Variants in GSG1L observed in about 807,000 individuals in gnomAD.
GSG1L encodes germ cell-specific gene 1-like protein.
A neutral mutation model predicts 42.1 loss-of-function variants in GSG1L; 24 were observed. The observed-to-expected ratio is 0.57, with a 90% CI of 0.41 to 0.80. GSG1L has a LOEUF of 0.80. Among genes scored for constraint, GSG1L ranks in the 30% least tolerant of loss-of-function variants. GSG1L has a pLI of 0.00. For missense variants in GSG1L, 445 were observed against 472.2 expected (o/e 0.94, Z 0.53); for synonymous variants, 215 against 203.5 (o/e 1.06, Z -0.48).
chr16:27,963,858 C>T (rs1159619229), intron 1 of GSG1L, among the ~76,000 whole-genome samples: 2 of 152,112 alleles, frequency 1.3e-5, no homozygotes, highest in Admixed American at 6.6e-5. Flanking sequence ...CATCCTGAGT[C>T]TGCCTTTGCA....
intron 2 of GSG1L, among the ~76,000 whole-genome samples, chr16:27,903,790 C>A (rs954742282): frequency 6.6e-6 from 1 of 152,000 alleles, no homozygotes; most frequent in Non-Finnish European, 1.5e-5. Context: ...CAGGAAGTCC[C>A]CCAGTCAAGA....
intron 2 of GSG1L, among the ~76,000 whole-genome samples, chr16:27,947,523 A>G (rs990191376): frequency 7.4e-6 from 1 of 134,722 alleles, no homozygotes; most frequent in Non-Finnish European, 1.6e-5. Context: ...AAGAAAGAAA[A>G]AGAAAGAAAG....
At chr16:27,962,137 C>G (rs866618918) in intron 2 of GSG1L, among the ~76,000 whole-genome samples, 3 of 152,198 alleles carry the variant, frequency 2.0e-5, no homozygotes, top group Non-Finnish European at 4.4e-5. Context: ...CAGCCACACT[C>G]CCCCGTGTCC....
chr16:27,995,883 A>AAC (rs3033625), intron 1 of GSG1L, among the ~76,000 whole-genome samples: 15,328 of 145,216 alleles, frequency 0.11, 825 homozygotes, highest in African/African-American at 0.14. Context: ...TACTGATTAA[A>AAC]ACACACACAC....
chr16:27,946,323 T>C (rs1420398864), intron 2 of GSG1L, among the ~76,000 whole-genome samples: 2 of 151,818 alleles, frequency 1.3e-5, no homozygotes, highest in Non-Finnish European at 2.9e-5. Flanking sequence ...GGTGGGCAGA[T>C]CACTTGAGGT....
intron 1 of GSG1L, among the ~76,000 whole-genome samples, chr16:27,999,902 C>T (rs576952652): frequency 6.6e-6 from 1 of 152,304 alleles, no homozygotes; most frequent in Admixed American, 6.5e-5. Flanking sequence ...ACTCATATCC[C>T]ATTGGCCAGA....
intron 1 of GSG1L, among the ~76,000 whole-genome samples, chr16:27,985,311 A>G (rs1379493774): frequency 6.6e-6 from 1 of 152,104 alleles, no homozygotes; most frequent in Admixed American, 6.6e-5. Context: ...TGCCGTCCTC[A>G]TGGTAATGAG....
At chr16:27,959,635 G>A (rs927740344) in intron 2 of GSG1L, among the ~76,000 whole-genome samples, 2 of 151,760 alleles carry the variant, frequency 1.3e-5, no homozygotes, top group African/African-American at 2.4e-5. Context: ...TGGGCACCAA[G>A]CGTGGGGCAT....
chr16:27,852,549 G>A (rs188816507), intron 3 of GSG1L, among the ~76,000 whole-genome samples: 81 of 152,080 alleles, frequency 5.3e-4, no homozygotes, highest in African/African-American at 1.9e-3. Flanking sequence ...GAGGAGGAGG[G>A]TGGAGCAGGC....
chr16:28,033,301 C>T (rs1001088960), intron 1 of GSG1L, among the ~76,000 whole-genome samples: 7 of 152,198 alleles, frequency 4.6e-5, no homozygotes, highest in African/African-American at 1.7e-4. Flanking sequence ...CATCTACAAC[C>T]GCCAGAGTAG....
At chr16:27,853,527 TG>T (rs1157875766) in intron 3 of GSG1L, among the ~76,000 whole-genome samples, 1 of 152,158 alleles carries the variant, frequency 6.6e-6, no homozygotes, top group African/African-American at 2.4e-5. Context: ...AGGAGCATTT[TG>T]GGGGGTCAGC....
intron 1 of GSG1L, among the ~76,000 whole-genome samples, chr16:28,004,284 C>G (rs1372951026): frequency 6.6e-6 from 1 of 152,104 alleles, no homozygotes; most frequent in Non-Finnish European, 1.5e-5. Flanking sequence ...GGCATCTGGG[C>G]CTTGGTCTAT....
intron 3 of GSG1L, among the ~76,000 whole-genome samples, chr16:27,867,476 G>A (rs553574290): frequency 6.6e-6 from 1 of 152,356 alleles, no homozygotes; most frequent in African/African-American, 2.4e-5. Context: ...GGGCAGATCA[G>A]TGAGCGCTGC....
At chr16:27,933,675 T>A (rs796635708) in intron 2 of GSG1L, among the ~76,000 whole-genome samples, 1 of 143,792 alleles carries the variant, frequency 7.0e-6, no homozygotes, top group African/African-American at 2.5e-5. Flanking sequence ...AAAAAGTGTG[T>A]TGAGCCAATG....
chr16:28,042,653 G>A (rs1192191223), intron 1 of GSG1L, among the ~76,000 whole-genome samples: 1 of 151,946 alleles, frequency 6.6e-6, no homozygotes, highest in Non-Finnish European at 1.5e-5. Context: ...AAAGAAAGGG[G>A]GAAATCATTG....
At chr16:27,843,667 A>C (rs2083412725) in intron 4 of GSG1L, among the ~76,000 whole-genome samples, 1 of 152,162 alleles carries the variant, frequency 6.6e-6, no homozygotes, top group African/African-American at 2.4e-5. Context: ...GTTCCAGATG[A>C]AATCTGGTCA....
chr16:28,047,797 T>G (rs2086179301), intron 1 of GSG1L, among the ~76,000 whole-genome samples: 1 of 152,054 alleles, frequency 6.6e-6, no homozygotes, highest in Admixed American at 6.6e-5. Flanking sequence ...CAACATAGAC[T>G]CAAACTTTTT....
At chr16:27,987,638 T>A (rs2085399884) in intron 1 of GSG1L, among the ~76,000 whole-genome samples, 1 of 152,112 alleles carries the variant, frequency 6.6e-6, no homozygotes, top group Non-Finnish European at 1.5e-5. Flanking sequence ...CCAGAGTGAC[T>A]GGGGAAGACG....
chr16:27,875,736 A>G (rs2083880058), intron 3 of GSG1L, among the ~76,000 whole-genome samples: 1 of 152,190 alleles, frequency 6.6e-6, no homozygotes, highest in Non-Finnish European at 1.5e-5. Context: ...TTGTTTAGAA[A>G]TGAGTCTATG....
Sources: gnomAD v4.1 joint callset for allele counts (sites outside exome capture counted in the v4.1 genomes callset) on GRCh38, gnomAD v4.1.1 for gene constraint, MANE v1.5 for transcripts, NCBI Gene and HGNC (gene_info 2026-07-23, HGNC 2026-07-21) for gene names.